Variants in IL19 observed in about 807,000 individuals in gnomAD.
The protein encoded by IL19 is interleukin 19, also known as interleukin-19.
In IL19, 15 loss-of-function variants were observed where a neutral mutation model predicts 19.5. The observed-to-expected ratio is 0.77, with a 90% confidence interval of 0.52 to 1.19. IL19 has a LOEUF of 1.19. Among genes scored for constraint, IL19 ranks in the 50% most tolerant of loss-of-function variants. The probability of loss-of-function intolerance (pLI) is 0.00; values close to 1 mark genes in which losing one functional copy is unlikely to be tolerated. For synonymous variants in IL19, 78 were observed against 78.3 expected (o/e 1.00, Z 0.02); for missense variants, 199 against 213.1 (o/e 0.93, Z 0.41).
chr1:206,809,487 C>G (rs1486532413), intron 2 of IL19, among the ~76,000 whole-genome samples: 2 of 152,206 alleles, frequency 1.3e-5, no homozygotes, highest in African/African-American at 2.4e-5. Context: ...TAGAATATTT[C>G]TCTGCCCAGC....
chr1:206,836,695 G>T lies in IL19; in HGVS notation c.33G>T (p.Leu11=). MKLQCVSLWL[L]GTILILCSVD... ...TACAGTGTGTTTCCCTTTGGCTCCT[G>T]GGTACAATACTGATATTGTGCTCAG... Residue 11 remains leucine, a synonymous_variant, in exon 3 of 7, where the codon CTG becomes CTT. Transcript: ENST00000659997. 1 of 1,612,568 alleles carries T rather than the reference G, an allele frequency of 6.2e-7. No homozygotes were observed. Among genetic ancestry groups the T allele is most frequent in the South Asian group, 1.1e-5 (1 of 90,656 alleles).
At chr1:206,816,013 AG>A (rs1676146041) in intron 2 of IL19, among the ~76,000 whole-genome samples, 1 of 152,148 alleles carries the variant, frequency 6.6e-6, no homozygotes, top group African/African-American at 2.4e-5. Context: ...GATGACATTG[AG>A]GACCTACTGT....
At chr1:206,808,004 T>C (rs919163715) in intron 2 of IL19, among the ~76,000 whole-genome samples, 4 of 152,240 alleles carry the variant, frequency 2.6e-5, no homozygotes, top group African/African-American at 9.6e-5. Flanking sequence ...ACATTCATTA[T>C]ATAGTGCTTT....
intron 2 of IL19, among the ~76,000 whole-genome samples, chr1:206,802,036 G>T (rs1305795477): frequency 6.6e-6 from 1 of 152,234 alleles, no homozygotes; most frequent in Non-Finnish European, 1.5e-5. Flanking sequence ...TGCAGGAAAG[G>T]AGGGGAAGGG....
chr1:206,836,564 C>A, intron 2 of IL19, 97 bp from the exon 3 acceptor site: 1 of 1,140,986 alleles, frequency 8.8e-7, no homozygotes, highest in African/African-American at 1.5e-5. Flanking sequence ...TTCCTCCCGG[C>A]TTGCCTTCGA....
chr1:206,771,582 G>T (rs1674844109), intron 1 of IL19, among the ~76,000 whole-genome samples: 1 of 152,066 alleles, frequency 6.6e-6, no homozygotes, highest in African/African-American at 2.4e-5. Flanking sequence ...ACAGTGATGG[G>T]ACCATCACTT....
chr1:206,810,595 C>T (rs1426334057), intron 2 of IL19, among the ~76,000 whole-genome samples: 2 of 152,194 alleles, frequency 1.3e-5, no homozygotes, highest in Non-Finnish European at 2.9e-5. Context: ...TGGTGAAAGA[C>T]ACCTCCATTG....
At chr1:206,817,500 C>A (rs1356439616) in intron 2 of IL19, among the ~76,000 whole-genome samples, 1 of 152,118 alleles carries the variant, frequency 6.6e-6, no homozygotes, top group Non-Finnish European at 1.5e-5. Flanking sequence ...TAATAATGGT[C>A]AAAAGAAAGC....
At chr1:206,794,053 T>C (rs775514995) in intron 1 of IL19, among the ~76,000 whole-genome samples, 12 of 152,162 alleles carry the variant, frequency 7.9e-5, no homozygotes, top group Non-Finnish European at 1.6e-4. Context: ...GTCATGGCTC[T>C]TCAGGTGGTG....
At chr1:206,821,453 G>A (rs546873686) in intron 2 of IL19, among the ~76,000 whole-genome samples, 21 of 152,086 alleles carry the variant, frequency 1.4e-4, no homozygotes, top group Admixed American at 1.4e-3. Flanking sequence ...AGCTGTCTTT[G>A]CCAAAGGTTC....
intron 2 of IL19, chr1:206,834,335 C>G: frequency 2.0e-6 from 2 of 985,574 alleles, no homozygotes; most frequent in Non-Finnish European, 2.4e-6. Flanking sequence ...AATGACCAGC[C>G]CTTTCCAAAT....
intron 2 of IL19, among the ~76,000 whole-genome samples, chr1:206,829,729 A>G (rs1359670916): frequency 6.6e-6 from 1 of 152,184 alleles, no homozygotes; most frequent in African/African-American, 2.4e-5. Context: ...ATGGGGAGGC[A>G]TCAGTTGGGC....
intron 2 of IL19, among the ~76,000 whole-genome samples, chr1:206,806,120 T>G (rs945452611): frequency 6.6e-6 from 1 of 152,202 alleles, no homozygotes; most frequent in African/African-American, 2.4e-5. Context: ...TTGGCTTGGC[T>G]TGGGTCATGT....
chr1:206,831,317 C>G (rs150933464), intron 2 of IL19, among the ~76,000 whole-genome samples: 1 of 152,326 alleles, frequency 6.6e-6, no homozygotes, highest in Non-Finnish European at 1.5e-5. Context: ...TGCTTCCCTA[C>G]TCAACAAGTG....
intron 2 of IL19, among the ~76,000 whole-genome samples, chr1:206,815,568 G>A (rs1676134782): frequency 6.6e-6 from 1 of 152,078 alleles, no homozygotes. Context: ...TATTATTTAT[G>A]ACTCAGTTAG....
At chr1:206,837,168 G>A in intron 4 of IL19, 145 bp downstream of exon 4, 1 of 663,536 alleles carries the variant, frequency 1.5e-6, no homozygotes. Flanking sequence ...GTCAGATGAT[G>A]TGTTAGGGCA....
chr1:206,807,666 TTATG>T (rs1307518062), intron 2 of IL19, among the ~76,000 whole-genome samples: 1 of 152,198 alleles, frequency 6.6e-6, no homozygotes, highest in African/African-American at 2.4e-5. Context: ...AGCTATATAT[TTATG>T]TGTTTAGTTG....
intron 2 of IL19, among the ~76,000 whole-genome samples, chr1:206,830,084 G>T (rs1355135601): frequency 6.6e-6 from 1 of 152,150 alleles, no homozygotes; most frequent in African/African-American, 2.4e-5. Flanking sequence ...CACAAGTCTA[G>T]GTTCCTTTCC....
intron 4 of IL19, among the ~76,000 whole-genome samples, chr1:206,838,776 CTT>C (rs1676892399): frequency 6.7e-6 from 1 of 148,624 alleles, no homozygotes; most frequent in Non-Finnish European, 1.5e-5. Flanking sequence ...CTTCCCTTCC[CTT>C]CCCTTCCCTT....
Sources: gnomAD v4.1 joint callset for allele counts (sites outside exome capture counted in the v4.1 genomes callset) on GRCh38, gnomAD v4.1.1 for gene constraint, MANE v1.5 for transcripts, NCBI Gene and HGNC (gene_info 2026-07-23, HGNC 2026-07-21) for gene names.